Variants in HAVCR1 observed in about 807,000 individuals in gnomAD.
HAVCR1 encodes hepatitis A virus cellular receptor 1.
A neutral mutation model predicts 32.0 loss-of-function variants in HAVCR1; 34 were observed. That is an observed-to-expected ratio of 1.06 (90% CI 0.81 to 1.42). The LOEUF is 1.42. HAVCR1 is among the 40% of genes most tolerant of loss of function. The pLI, the probability that HAVCR1 is intolerant of heterozygous loss-of-function variation, is 0.00. For missense variants in HAVCR1, 420 were observed against 442.3 expected, an observed-to-expected ratio of 0.95 and a Z score of 0.45; for synonymous variants, 178 against 170.3, an observed-to-expected ratio of 1.05 and a Z score of -0.35.
Position 157,039,579 on chromosome 5 carries a change from C to A in HAVCR1, c.838-2218G>T, listed in dbSNP as rs183297799. Among the ~76,000 whole-genome samples, 41 of 152,212 alleles carry A rather than the reference C, an allele frequency of 2.7e-4. No individual in the cohort carries two copies. The East Asian group carries it at 6.6e-3, about 24-fold the overall frequency. On this transcript the variant is annotated intron_variant, in intron 6 of 8. Coordinates refer to ENST00000523175, the MANE Select transcript of HAVCR1 (RefSeq NM_001173393.3). ...GGTCAGGCTGGTCTCAAACTCCTGACCTCAGGTGATCCACCTGCCTCAGCC... is the reference window on the plus strand; with the variant it reads ...GGTCAGGCTGGTCTCAAACTCCTGAACTCAGGTGATCCACCTGCCTCAGCC...
chr5:157,044,977 G>A (rs1197680435), intron 5 of HAVCR1, among the ~76,000 whole-genome samples: 1 of 152,094 alleles, frequency 6.6e-6, no homozygotes, highest in Non-Finnish European at 1.5e-5. Flanking sequence ...GTGTATGTGT[G>A]TGTGTGTATA....
chr5:157,050,130 A>C (rs1407675753), intron 4 of HAVCR1, among the ~76,000 whole-genome samples: 1 of 152,146 alleles, frequency 6.6e-6, no homozygotes, highest in Non-Finnish European at 1.5e-5. Context: ...CCACAGTCTC[A>C]ATAACTTCAC....
upstream of HAVCR1, among the ~76,000 whole-genome samples, chr5:157,063,966 G>A (rs1247159430): frequency 6.6e-6 from 1 of 152,208 alleles, no homozygotes; most frequent in Non-Finnish European, 1.5e-5. Flanking sequence ...ACAGAGCGAG[G>A]GACAGGGATC....
chr5:157,057,832 C>T (rs1407799119), intron 2 of HAVCR1, 66 bp downstream of exon 2: 14 of 1,123,490 alleles, frequency 1.2e-5, no homozygotes, highest in South Asian at 1.2e-4. Flanking sequence ...CCTTCCCCTA[C>T]CCCATTCTCT....
chr5:157,042,515 GAA>G (rs1367636106), intron 6 of HAVCR1, 110 bp downstream of exon 6: 3 of 536,672 alleles, frequency 5.6e-6, no homozygotes, highest in South Asian at 6.6e-5. Context: ...TTTTTAAGAA[GAA>G]AAAAAAAATT....
chr5:157,058,028 G>C, intron 1 of HAVCR1, 73 bp from the exon 2 acceptor site: 1 of 1,036,544 alleles, frequency 9.6e-7, no homozygotes, highest in Non-Finnish European at 1.5e-6. Flanking sequence ...TTAAATCTCA[G>C]ATTGCAACTT....
intron 1 of HAVCR1, 62 bp from the exon 2 acceptor site, chr5:157,058,017 C>CT: frequency 8.6e-7 from 1 of 1,162,142 alleles, no homozygotes; most frequent in Non-Finnish European, 1.3e-6. Flanking sequence ...CTGATCAAGT[C>CT]TTAAATCTCA....
chr5:157,045,664 C>G (rs748003641), intron 5 of HAVCR1, among the ~76,000 whole-genome samples: 1 of 152,182 alleles, frequency 6.6e-6, no homozygotes, highest in Non-Finnish European at 1.5e-5. Flanking sequence ...ATATCCATTT[C>G]CTGGCACATA....
chr5:157,059,547 C>A (rs1357451125), upstream of HAVCR1, among the ~76,000 whole-genome samples: 1 of 151,956 alleles, frequency 6.6e-6, no homozygotes, highest in African/African-American at 2.4e-5. Context: ...TGGTGGCGGG[C>A]GCCTGTAATC....
At position 157,050,368 on chromosome 5, in the gene HAVCR1, A is replaced by G. The variant is rs569660040; in HGVS notation, c.674-1223T>C. Among the ~76,000 whole-genome samples, 13 of 152,240 alleles carry G rather than the reference A, an allele frequency of 8.5e-5. No individual in the cohort carries two copies. The South Asian group carries it at 2.7e-3, about 32-fold the overall frequency. On this transcript the variant is annotated intron_variant, in intron 4 of 8. Coordinates refer to ENST00000523175, the MANE Select transcript of HAVCR1 (RefSeq NM_001173393.3). ...CTTTCTTTTCTCCACTGCTCCTACA[A>G]CCATACATACAATTGTTCCCTGGAG...
At chr5:157,065,622 AG>A in the HAVCR1 span, among the ~76,000 whole-genome samples, 2 of 151,812 alleles carry the variant, frequency 1.3e-5, no homozygotes, top group African/African-American at 4.8e-5. Context: ...TAGGAGACCA[AG>A]GCAGGCTGAT....
In HAVCR1 at chr5:157,055,328, T is replaced by A. The variant is rs764402194; in HGVS notation, c.252A>T (p.Ser84=). The A allele has an allele frequency of 1.2e-6, 2 of 1,613,418 alleles. No homozygotes were observed. Among genetic ancestry groups the A allele is most frequent in the Non-Finnish European group, 1.7e-6 (2 of 1,179,336 alleles). Residue 84 remains serine, a synonymous_variant, in exon 3 of 9, where the codon TCA becomes TCT. Coordinates refer to ENST00000523175, the MANE Select transcript of HAVCR1 (RefSeq NM_001173393.3). Reference sequence around the variant, plus strand: ...CTATGGTCAAAGAGACATCCCTTCTTGAAAGGTCCCCCAATAGCTTATAGC... The same window carrying A: ...CTATGGTCAAAGAGACATCCCTTCTAGAAAGGTCCCCCAATAGCTTATAGC... ...DTRYKLLGDL[S]RRDVSLTIEN... is the part of the protein sequence containing the mutation.
At chr5:157,051,422 AAACT>A (rs749661424) in intron 4 of HAVCR1, among the ~76,000 whole-genome samples, 1 of 152,214 alleles carries the variant, frequency 6.6e-6, no homozygotes, top group Non-Finnish European at 1.5e-5. Flanking sequence ...TCCAAACATA[AAACT>A]CAGTGCTGAT....
At chr5:157,057,391 GAAAGAAA>G (rs1561605925) in intron 2 of HAVCR1, among the ~76,000 whole-genome samples, 521 of 10,504 alleles carry the variant, frequency 0.05, 9 homozygotes, top group African/African-American at 0.066. Flanking sequence ...AGAGAGGAAA[GAAAGAAA>G]GAAAGAAAGA....
chr5:157,068,154 G>T, the HAVCR1 span, among the ~76,000 whole-genome samples: 13 of 152,122 alleles, frequency 8.5e-5, no homozygotes, highest in South Asian at 2.1e-4. Flanking sequence ...GGTGCTTCTA[G>T]TCCCAACTAC....
Position 157,052,407 on chromosome 5 carries a change from A to C in HAVCR1, c.627T>G (p.Ser209=). The C allele has an allele frequency of 6.2e-7, 1 of 1,613,024 alleles. No homozygotes were observed. The highest frequency in any genetic ancestry group is 8.5e-7 in the Non-Finnish European group (1 of 1,179,556). ...GCAAAGGCATTGGAGGAACAAAGGT[A>C]GAGACAGTTGTTGTCACTGGAACAC... ...TTSVPVTTTV[S]TFVPPMPLPR... is the part of the protein sequence containing the mutation. Residue 209 remains serine, a synonymous_variant, in exon 4 of 9, where the codon TCT becomes TCG. Coordinates refer to ENST00000523175, the MANE Select transcript of HAVCR1 (RefSeq NM_001173393.3).
intron 6 of HAVCR1, among the ~76,000 whole-genome samples, chr5:157,040,902 A>AAAAT (rs752633881): frequency 9.9e-5 from 15 of 152,112 alleles, no homozygotes; most frequent in South Asian, 6.2e-4. Flanking sequence ...CCCTGTCTCA[A>AAAAT]AAATAAATAA....
intron 7 of HAVCR1, among the ~76,000 whole-genome samples, chr5:157,034,458 T>G (rs1257645856): frequency 6.6e-6 from 1 of 151,634 alleles, no homozygotes; most frequent in East Asian, 2.0e-4. Flanking sequence ...ATGATCGGGT[T>G]TTACACCGAG....
At chr5:157,049,530 T>C (rs1755618782) in intron 4 of HAVCR1, among the ~76,000 whole-genome samples, 1 of 152,244 alleles carries the variant, frequency 6.6e-6, no homozygotes, top group African/African-American at 2.4e-5. Flanking sequence ...CTTTATTTTA[T>C]TCATACAAGT....
Sources: allele counts gnomAD v4.1 joint callset (sites outside exome capture counted in the v4.1 genomes callset), GRCh38; gene constraint gnomAD v4.1.1; transcripts MANE v1.5; gene names NCBI Gene and HGNC (gene_info 2026-07-23, HGNC 2026-07-21).